Variants in FAAH2 observed in about 807,000 individuals in gnomAD.
The protein encoded by FAAH2 is fatty-acid amide hydrolase 2.
FAAH2 carries 60 observed loss-of-function variants against 36.9 expected under a neutral mutation model. The observed-to-expected ratio is 1.63, with a 90% CI of 1.32 to 2.02. The LOEUF (loss-of-function observed/expected upper bound fraction) is 2.02. Among genes scored for constraint, FAAH2 ranks in the 30% most tolerant of loss-of-function variants. FAAH2 has a pLI of 0.00. For missense variants in FAAH2, 689 were observed against 397.5 expected (o/e 1.73, Z -6.23); for synonymous variants, 214 against 143.8 (o/e 1.49, Z -3.49).
the FAAH2 span, among the ~76,000 whole-genome samples, chrX:57,251,883 G>A: frequency 8.9e-6 from 1 of 111,742 alleles, no homozygotes; most frequent in Non-Finnish European, 1.9e-5. Flanking sequence ...GAGCCAAAGT[G>A]GGGGGTGGGG....
At chrX:57,284,880 A>T (rs1276110855), upstream of FAAH2, among the ~76,000 whole-genome samples, 3 of 112,216 alleles carry the variant, frequency 2.7e-5, no homozygotes, top group Non-Finnish European at 5.6e-5. Context: ...TTCAAGGTCA[A>T]AAACATAATG....
chrX:57,406,873 A>G (rs2055579327), intron 7 of FAAH2, among the ~76,000 whole-genome samples: 2 of 112,543 alleles, frequency 1.8e-5, no homozygotes, highest in African/African-American at 6.5e-5. Flanking sequence ...TAGACGAACA[A>G]CCACAAAGTG....
At chrX:57,158,884 A>G in the FAAH2 span, among the ~76,000 whole-genome samples, 201 of 112,103 alleles carry the variant, frequency 1.8e-3, 1 homozygote, top group African/African-American at 6.2e-3. Context: ...TTTTGTTGCC[A>G]TTGCTTTTGG....
chrX:57,393,043 C>T, intron 7 of FAAH2: 1 of 889,351 alleles, frequency 1.1e-6, no homozygotes, highest in South Asian at 2.0e-5. Flanking sequence ...GCTCTCTGGA[C>T]AGCCTGAGCC....
chrX:57,410,347 T>C (rs1421273268), intron 7 of FAAH2, among the ~76,000 whole-genome samples: 2 of 111,583 alleles, frequency 1.8e-5, no homozygotes, highest in East Asian at 2.8e-4. Flanking sequence ...TGCTGCTAGA[T>C]GGAATATTCT....
rs780988537 is a variant in FAAH2, at chrX:57,371,896, G to A, written c.743-6755G>A. On this transcript the variant is annotated intron_variant, in intron 5 of 10. Transcript: ENST00000374900. The stretch of plus-strand genomic sequence containing the variant: ...TTTACACTTATAAGTAAGAAGATGC[G>A]GTCTTTGGTTTTTTAATTTCTGCAT... Among the ~76,000 whole-genome samples, 9 of 111,437 alleles carry A rather than the reference G, an allele frequency of 8.1e-5. No individual in the cohort carries two copies. In the East Asian group the frequency reaches 8.5e-4, roughly 11 times the overall value.
chrX:57,264,290 T>G, the FAAH2 span, among the ~76,000 whole-genome samples: 4 of 112,387 alleles, frequency 3.6e-5, no homozygotes, highest in African/African-American at 1.3e-4. Flanking sequence ...AGCTACAGAT[T>G]CCACATATCT....
At chrX:57,202,256 TG>T in the FAAH2 span, among the ~76,000 whole-genome samples, 1 of 112,100 alleles carries the variant, frequency 8.9e-6, no homozygotes, top group East Asian at 2.8e-4. Flanking sequence ...CCTCTCTTTC[TG>T]GGCTTTATTG....
At chrX:57,224,293 C>T in the FAAH2 span, among the ~76,000 whole-genome samples, 12 of 111,759 alleles carry the variant, frequency 1.1e-4, no homozygotes, top group South Asian at 3.8e-4. Flanking sequence ...TCTGCTACAG[C>T]GACATGGTAA....
In FAAH2 at chrX:57,359,183, C is replaced by T. The variant is rs770587825; in HGVS notation, c.742+17793C>T. On this transcript the variant is annotated intron_variant, in intron 5 of 10. Transcript: ENST00000374900. ...GTACCCATTAACAATCCTCCCTCCC[C>T]TCATCCTTCACTACCCTTACCAGCC... 5.1e-4 allele frequency among the ~76,000 whole-genome samples: 56 copies of T among 110,842 alleles called. 1 individual carries two copies. The highest frequency in any genetic ancestry group is 1.7e-3 in the African/African-American group (52 of 30,586).
At chrX:57,429,757 G>T (rs1345948209) in intron 7 of FAAH2, among the ~76,000 whole-genome samples, 1 of 111,601 alleles carries the variant, frequency 9.0e-6, no homozygotes, top group African/African-American at 3.3e-5. Context: ...ATTCACAATA[G>T]AAAAGATATA....
At chrX:57,338,647 A>C (rs750849670) in intron 4 of FAAH2, among the ~76,000 whole-genome samples, 1 of 111,241 alleles carries the variant, frequency 9.0e-6, no homozygotes, top group Non-Finnish European at 1.9e-5. Context: ...TCATGAATGA[A>C]CTCCAAATCA....
At chrX:57,265,528 G>A in the FAAH2 span, among the ~76,000 whole-genome samples, 54 of 111,543 alleles carry the variant, frequency 4.8e-4, no homozygotes, top group South Asian at 5.3e-3. Context: ...CCAAACGGGG[G>A]CAGAAGAGAT....
the FAAH2 span, among the ~76,000 whole-genome samples, chrX:57,172,418 C>T: frequency 1.4e-4 from 16 of 110,625 alleles, no homozygotes; most frequent in African/African-American, 5.3e-4. Context: ...GGGCTCCAAC[C>T]TCATGACAGT....
chrX:57,487,435 A>G lies in FAAH2; in HGVS notation c.1424-1322A>G, dbSNP rs778175516. Among the ~76,000 whole-genome samples the G allele has an allele frequency of 2.7e-5, 3 of 112,160 alleles. No individual in the cohort carries two copies. In the Admixed American group the frequency reaches 2.8e-4, roughly 11 times the overall value. On this transcript the variant is annotated intron_variant, in intron 10 of 10. Coordinates refer to ENST00000374900, the MANE Select transcript of FAAH2 (RefSeq NM_174912.4). ...GAAAAACTCTTACAACTCAATAATA[A>G]GACGATAACCCAACTTAAAATGCAC...
chrX:57,236,443 T>A, the FAAH2 span, among the ~76,000 whole-genome samples: 1 of 112,446 alleles, frequency 8.9e-6, no homozygotes, highest in African/African-American at 3.2e-5. Flanking sequence ...GCCAGGCTAG[T>A]CTACAATCCT....
At chrX:57,373,473 A>G (rs2054600943) in intron 5 of FAAH2, among the ~76,000 whole-genome samples, 1 of 109,706 alleles carries the variant, frequency 9.1e-6, no homozygotes, top group African/African-American at 3.3e-5. Flanking sequence ...TTCCCTGATT[A>G]TTAGTGAAAT....
intron 5 of FAAH2, among the ~76,000 whole-genome samples, chrX:57,357,790 G>T (rs1426840955): frequency 9.0e-6 from 1 of 111,290 alleles, no homozygotes; most frequent in Non-Finnish European, 1.9e-5. Flanking sequence ...TTGCTCAAGG[G>T]TATAGAACCA....
At chrX:57,207,947 C>T in the FAAH2 span, among the ~76,000 whole-genome samples, 312 of 112,716 alleles carry the variant, frequency 2.8e-3, 2 homozygotes, top group Middle Eastern at 0.014. Context: ...GGGTCTGGGA[C>T]GGGCTTCTCA....
Sources: gnomAD v4.1 joint callset for allele counts (sites outside exome capture counted in the v4.1 genomes callset) on GRCh38, gnomAD v4.1.1 for gene constraint, MANE v1.5 for transcripts, NCBI Gene and HGNC (gene_info 2026-07-23, HGNC 2026-07-21) for gene names.